GALNT13: variants seen among roughly 807,000 people sequenced by gnomAD.
GALNT13 encodes UDP-GalNAc:polypeptide N-acetylgalactosaminyltransferase 13.
GALNT13 carries 28 observed loss-of-function variants against 64.2 expected under a neutral mutation model. The observed-to-expected ratio is 0.44, with a 90% CI of 0.32 to 0.60. The LOEUF (loss-of-function observed/expected upper bound fraction) is 0.60, where lower values mean the gene tolerates loss of function less well. GALNT13 is among the 20% of genes least tolerant of loss of function. The pLI is 0.05. For missense variants in GALNT13, 577 were observed against 669.8 expected, an observed-to-expected ratio of 0.86 and a Z score of 1.53; for synonymous variants, 214 against 224.6, an observed-to-expected ratio of 0.95 and a Z score of 0.42.
At chr2:154,411,576 A>ATCC (rs1699797710) in intron 11 of GALNT13, among the ~76,000 whole-genome samples, 1 of 151,870 alleles carries the variant, frequency 6.6e-6, no homozygotes, top group Non-Finnish European at 1.5e-5. Flanking sequence ...TTATGAAAAA[A>ATCC]TATTTGAACA....
chr2:153,777,486 G>A, the GALNT13 span, among the ~76,000 whole-genome samples: 1 of 152,186 alleles, frequency 6.6e-6, no homozygotes, highest in Non-Finnish European at 1.5e-5. Flanking sequence ...ATCAGGTCAT[G>A]AGGCCTCCAT....
chr2:154,360,352 C>T (rs570367480), intron 9 of GALNT13, among the ~76,000 whole-genome samples: 1 of 152,188 alleles, frequency 6.6e-6, no homozygotes, highest in African/African-American at 2.4e-5. Context: ...TTGTTCATTC[C>T]TTTAAAAAGA....
chr2:153,368,344 G>A, the GALNT13 span, among the ~76,000 whole-genome samples: 1 of 152,066 alleles, frequency 6.6e-6, no homozygotes, highest in East Asian at 1.9e-4. Context: ...TGAGCAAGAA[G>A]GTAGCCATTT....
intron 4 of GALNT13, among the ~76,000 whole-genome samples, chr2:154,152,974 G>A (rs1315884443): frequency 6.6e-6 from 1 of 152,182 alleles, no homozygotes; most frequent in African/African-American, 2.4e-5. Context: ...TTGCTGGTGA[G>A]GAGCTGCGTT....
the GALNT13 span, among the ~76,000 whole-genome samples, chr2:153,755,332 A>G: frequency 1.3e-5 from 2 of 151,880 alleles, no homozygotes; most frequent in Non-Finnish European, 2.9e-5. Flanking sequence ...ACTCTATACA[A>G]TTTTCCATAA....
chr2:153,925,609 T>G (rs540295666), intron 2 of GALNT13, among the ~76,000 whole-genome samples: 17 of 152,032 alleles, frequency 1.1e-4, no homozygotes, highest in Non-Finnish European at 2.1e-4. Context: ...CAATGGTAGT[T>G]TAATGAAAAT....
At chr2:154,063,108 C>A (rs193114468) in intron 3 of GALNT13, among the ~76,000 whole-genome samples, 76 of 151,846 alleles carry the variant, frequency 5.0e-4, no homozygotes, top group Non-Finnish European at 9.0e-4. Context: ...GTTTTTGTCA[C>A]CCTTTTTGTT....
intron 9 of GALNT13, among the ~76,000 whole-genome samples, chr2:154,305,367 A>G (rs1693673455): frequency 1.3e-5 from 2 of 151,532 alleles, no homozygotes; most frequent in South Asian, 4.2e-4. Context: ...TATATCCTTT[A>G]CTATAATACA....
At chr2:153,943,612 A>T (rs1691502180) in intron 2 of GALNT13, among the ~76,000 whole-genome samples, 1 of 151,934 alleles carries the variant, frequency 6.6e-6, no homozygotes, top group South Asian at 2.1e-4. Context: ...CTCCTGCCTC[A>T]GCCTCCTGAG....
chr2:153,899,860 A>G (rs1688110940), intron 1 of GALNT13, among the ~76,000 whole-genome samples: 1 of 151,056 alleles, frequency 6.6e-6, no homozygotes, highest in Non-Finnish European at 1.5e-5. Flanking sequence ...TATATTGTTC[A>G]TAGTCTGTCT....
At chr2:153,758,332 C>T in the GALNT13 span, among the ~76,000 whole-genome samples, 4 of 147,836 alleles carry the variant, frequency 2.7e-5, no homozygotes, top group Non-Finnish European at 1.5e-5. Context: ...CTATTCTGTT[C>T]CATTGGTTGA....
chr2:154,106,837 A>T (rs1479279023), intron 3 of GALNT13, among the ~76,000 whole-genome samples: 1 of 152,158 alleles, frequency 6.6e-6, no homozygotes, highest in Non-Finnish European at 1.5e-5. Context: ...GCTAGTTAAC[A>T]TATTACTCTG....
At chr2:153,082,654 C>CAT in the GALNT13 span, among the ~76,000 whole-genome samples, 1 of 79,070 alleles carries the variant, frequency 1.3e-5, no homozygotes, top group African/African-American at 4.4e-5. Flanking sequence ...CACACACACA[C>CAT]ACACACACAC....
At chr2:154,403,987 T>A (rs1247219601) in intron 10 of GALNT13, among the ~76,000 whole-genome samples, 1 of 152,232 alleles carries the variant, frequency 6.6e-6, no homozygotes, top group Non-Finnish European at 1.5e-5. Flanking sequence ...TCAAATAGTT[T>A]CTAATTTATA....
At chr2:153,176,031 G>A in the GALNT13 span, among the ~76,000 whole-genome samples, 1 of 152,166 alleles carries the variant, frequency 6.6e-6, no homozygotes, top group African/African-American at 2.4e-5. Context: ...CAAACATACA[G>A]CTGGTCTCCC....
chr2:153,403,700 G>T, the GALNT13 span, among the ~76,000 whole-genome samples: 1 of 152,110 alleles, frequency 6.6e-6, no homozygotes, highest in Admixed American at 6.5e-5. Context: ...TCCAGGTGCT[G>T]TCCGTCACCC....
the GALNT13 span, among the ~76,000 whole-genome samples, chr2:153,281,270 TG>T: frequency 6.6e-6 from 1 of 152,162 alleles, no homozygotes; most frequent in South Asian, 2.1e-4. Flanking sequence ...CTGTAAGTGT[TG>T]TTACATGTAA....
the GALNT13 span, among the ~76,000 whole-genome samples, chr2:153,785,624 T>C: frequency 6.6e-6 from 1 of 151,928 alleles, no homozygotes; most frequent in East Asian, 2.0e-4. Flanking sequence ...CCTCAAGGAA[T>C]TTGGAGCCAC....
chr2:154,312,969 G>T (rs544688017), intron 9 of GALNT13, among the ~76,000 whole-genome samples: 1 of 152,014 alleles, frequency 6.6e-6, no homozygotes, highest in Non-Finnish European at 1.5e-5. Context: ...ATCTTGAATT[G>T]TATTCATGAA....
Sources: gnomAD v4.1 joint callset for allele counts (sites outside exome capture counted in the v4.1 genomes callset) on GRCh38, gnomAD v4.1.1 for gene constraint, MANE v1.5 for transcripts, NCBI Gene and HGNC (gene_info 2026-07-23, HGNC 2026-07-21) for gene names.